Variants in SDCCAG8 observed in about 807,000 individuals in gnomAD.
The protein encoded by SDCCAG8 is serologically defined colon cancer antigen 8.
Under a neutral mutation model 101.8 loss-of-function variants are expected in SDCCAG8, and 74 were observed. The observed-to-expected ratio is 0.73, with a 90% CI of 0.60 to 0.88. SDCCAG8 has a LOEUF of 0.88. SDCCAG8 is among the 40% of genes least tolerant of loss of function. SDCCAG8 has a pLI of 0.00. For synonymous variants in SDCCAG8, 281 were observed against 292.9 expected, an observed-to-expected ratio of 0.96 and a Z score of 0.41; for missense variants, 787 against 822.6, an observed-to-expected ratio of 0.96 and a Z score of 0.53.
intron 16 of SDCCAG8, among the ~76,000 whole-genome samples, chr1:243,442,771 C>G (rs1033299610): frequency 9.9e-5 from 15 of 152,174 alleles, no homozygotes; most frequent in Admixed American, 9.2e-4. Flanking sequence ...GCTTACAAAC[C>G]TTTTCAGACT....
At chr1:243,311,975 G>A (rs777410329) in intron 8 of SDCCAG8, among the ~76,000 whole-genome samples, 23 of 152,160 alleles carry the variant, frequency 1.5e-4, no homozygotes, top group Non-Finnish European at 2.8e-4. Flanking sequence ...TAAAGTAAAT[G>A]TCAACCTACT....
At chr1:243,313,479 G>A (rs139941319) in intron 8 of SDCCAG8, among the ~76,000 whole-genome samples, 5 of 152,222 alleles carry the variant, frequency 3.3e-5, no homozygotes, top group East Asian at 1.9e-4. Context: ...TCATTAGTGC[G>A]TGTAAGTACA....
rs7412259 is a variant in SDCCAG8 at position 243,274,095 on chromosome 1, G to A, written c.307-448G>A. Among the ~76,000 whole-genome samples the A allele has an allele frequency of 2.2e-3, 338 of 152,296 alleles. 2 individuals carry two copies. In the East Asian group the frequency reaches 0.04, roughly 18 times the overall value. On this transcript the variant is annotated intron_variant, in intron 3 of 17. Coordinates refer to ENST00000366541, the MANE Select transcript of SDCCAG8 (RefSeq NM_006642.5). ...AGGCTGTATAGGAAGTGTGATACTG[G>A]CATCTCACTCTGGTGAGGGCCTCAG...
At chr1:243,411,435 T>C (rs1573894079) in intron 13 of SDCCAG8, among the ~76,000 whole-genome samples, 1 of 152,182 alleles carries the variant, frequency 6.6e-6, no homozygotes, top group Non-Finnish European at 1.5e-5. Flanking sequence ...ATCAGCTTTA[T>C]TGGGGTAAAT....
chr1:243,256,535 T>G (rs1282426656), intron 1 of SDCCAG8, among the ~76,000 whole-genome samples: 1 of 152,252 alleles, frequency 6.6e-6, no homozygotes, highest in East Asian at 1.9e-4. Flanking sequence ...GCCATTTTTG[T>G]TCAGTTCCCA....
intron 12 of SDCCAG8, among the ~76,000 whole-genome samples, chr1:243,356,389 T>C (rs1484301364): frequency 5.6e-5 from 4 of 71,878 alleles, no homozygotes; most frequent in African/African-American, 2.0e-4. Context: ...TCTTTAGTTA[T>C]AAAAACAAGA....
At chr1:243,398,802 A>G (rs2079185658) in intron 13 of SDCCAG8, among the ~76,000 whole-genome samples, 1 of 152,238 alleles carries the variant, frequency 6.6e-6, no homozygotes, top group South Asian at 2.1e-4. Context: ...TAGAACCAAT[A>G]GCTTCCCAGA....
At chr1:243,424,869 TG>T (rs1410385927) in intron 15 of SDCCAG8, among the ~76,000 whole-genome samples, 1 of 152,090 alleles carries the variant, frequency 6.6e-6, no homozygotes, top group Non-Finnish European at 1.5e-5. Flanking sequence ...GGAAAGTGCC[TG>T]GGAAAAGATC....
chr1:243,320,784 A>C (rs905092944), intron 9 of SDCCAG8, among the ~76,000 whole-genome samples: 1 of 152,226 alleles, frequency 6.6e-6, no homozygotes, highest in Admixed American at 6.5e-5. Flanking sequence ...TTCTCAATAA[A>C]TAGCGGTGGT....
intron 5 of SDCCAG8, among the ~76,000 whole-genome samples, chr1:243,286,620 C>T (rs1488059863): frequency 6.6e-6 from 1 of 152,108 alleles, no homozygotes; most frequent in Non-Finnish European, 1.5e-5. Flanking sequence ...CTGAGCATAC[C>T]GTTTCTGCCT....
At chr1:243,334,130 T>C (rs1401812371) in intron 10 of SDCCAG8, among the ~76,000 whole-genome samples, 1 of 152,172 alleles carries the variant, frequency 6.6e-6, no homozygotes, top group African/African-American at 2.4e-5. Context: ...GCTCTAAGAC[T>C]TAAGCCCCTG....
At chr1:243,328,911 T>C (rs771529378) in intron 9 of SDCCAG8, among the ~76,000 whole-genome samples, 6 of 152,230 alleles carry the variant, frequency 3.9e-5, no homozygotes, top group Non-Finnish European at 7.3e-5. Flanking sequence ...TTAATGATGA[T>C]GACTCCTGAG....
At chr1:243,424,124 G>A (rs1573963028) in intron 15 of SDCCAG8, among the ~76,000 whole-genome samples, 1 of 152,014 alleles carries the variant, frequency 6.6e-6, no homozygotes, top group Non-Finnish European at 1.5e-5. Context: ...TTGATGGAGA[G>A]TGCAGTTAGT....
chr1:243,455,497 C>A (rs1323458578), intron 16 of SDCCAG8, among the ~76,000 whole-genome samples: 1 of 152,132 alleles, frequency 6.6e-6, no homozygotes, highest in Non-Finnish European at 1.5e-5. Flanking sequence ...TCGATCTCCT[C>A]ACCCCAAGTG....
intron 13 of SDCCAG8, among the ~76,000 whole-genome samples, chr1:243,398,367 TC>T (rs1318855788): frequency 1.3e-5 from 2 of 152,138 alleles, no homozygotes; most frequent in Admixed American, 6.5e-5. Context: ...AATTTTGGTC[TC>T]TTTTTTTTTA....
chr1:243,497,676 C>A lies in SDCCAG8; in HGVS notation c.2113-2080C>A, dbSNP rs573705162. Among the ~76,000 whole-genome samples the A allele has an allele frequency of 2.0e-5, 3 of 152,304 alleles. No individual in the cohort carries two copies. The East Asian group carries it at 5.8e-4, about 29-fold the overall frequency. ...GAGCTTATCAAAAAATTCCGCAACA[C>A]ATTTTACTTTTACTTCAGGTCTTTA... On this transcript the variant is annotated intron_variant, in intron 17 of 17. Coordinates refer to ENST00000366541, the MANE Select transcript of SDCCAG8 (RefSeq NM_006642.5).
At chr1:243,267,041 G>A (rs1394234665) in intron 1 of SDCCAG8, among the ~76,000 whole-genome samples, 1 of 151,716 alleles carries the variant, frequency 6.6e-6, no homozygotes, top group Non-Finnish European at 1.5e-5. Flanking sequence ...TCAGGAGATC[G>A]AGACCATCCT....
chr1:243,435,348 G>A (rs941633453), intron 16 of SDCCAG8, among the ~76,000 whole-genome samples: 1 of 152,112 alleles, frequency 6.6e-6, no homozygotes, highest in Non-Finnish European at 1.5e-5. Context: ...CTACCTTGTA[G>A]GTTGTGAAAA....
intron 12 of SDCCAG8, among the ~76,000 whole-genome samples, chr1:243,350,376 TTTG>T (rs201333787): frequency 1.3e-5 from 2 of 151,734 alleles, no homozygotes; most frequent in African/African-American, 2.4e-5. Flanking sequence ...CCCCAGCTAT[TTTG>T]TTGTTGTTGT....
Sources: allele counts gnomAD v4.1 joint callset (sites outside exome capture counted in the v4.1 genomes callset), GRCh38; gene constraint gnomAD v4.1.1; transcripts MANE v1.5; gene names NCBI Gene and HGNC (gene_info 2026-07-23, HGNC 2026-07-21).